SYNE2: variants seen among roughly 807,000 people sequenced by gnomAD.
SYNE2 encodes the protein spectrin repeat containing nuclear envelope protein 2, also known as nesprin-2.
A neutral mutation model predicts 856.3 loss-of-function variants in SYNE2; 431 were observed. The observed-to-expected ratio is 0.50, with a 90% CI of 0.47 to 0.55. SYNE2 has a LOEUF of 0.55. SYNE2 is among the 20% of genes least tolerant of loss of function. SYNE2 has a pLI of 0.00. For synonymous variants in SYNE2, 2,923 were observed against 2,872.3 expected, an observed-to-expected ratio of 1.02 and a Z score of -0.56; for missense variants, 8,129 against 8,023.2, an observed-to-expected ratio of 1.01 and a Z score of -0.50.
chr14:63,906,164 G>A (rs1408524348), intron 1 of SYNE2, among the ~76,000 whole-genome samples: 2 of 152,070 alleles, frequency 1.3e-5, no homozygotes, highest in Non-Finnish European at 2.9e-5. Flanking sequence ...CTAATTGATC[G>A]TGATGAATTA....
chr14:64,036,280 A>G (rs917449081), intron 45 of SYNE2, among the ~76,000 whole-genome samples: 2 of 150,652 alleles, frequency 1.3e-5, no homozygotes, highest in African/African-American at 4.9e-5. Flanking sequence ...AACCTGTTCT[A>G]TCGTTCTTTT....
chr14:64,071,240 A>G (rs2097404130), intron 52 of SYNE2, among the ~76,000 whole-genome samples: 1 of 152,150 alleles, frequency 6.6e-6, no homozygotes, highest in Non-Finnish European at 1.5e-5. Context: ...CACTCCTGTA[A>G]TCCCAGCACT....
intron 1 of SYNE2, among the ~76,000 whole-genome samples, chr14:63,825,487 C>T (rs1417936361): frequency 6.6e-6 from 1 of 152,054 alleles, no homozygotes; most frequent in Non-Finnish European, 1.5e-5. Flanking sequence ...TGGAAAATAT[C>T]ATTCACAACA....
intron 89 of SYNE2, among the ~76,000 whole-genome samples, chr14:64,164,505 T>C (rs1188197155): frequency 1.3e-5 from 2 of 152,174 alleles, no homozygotes; most frequent in Non-Finnish European, 2.9e-5. Flanking sequence ...CACCTTGGCC[T>C]CCCAAAGTGC....
chr14:64,002,269 G>A (rs2096761356), intron 29 of SYNE2, among the ~76,000 whole-genome samples, 188 bp downstream of exon 29: 1 of 151,826 alleles, frequency 6.6e-6, no homozygotes, highest in Admixed American at 6.6e-5. Flanking sequence ...ATTTGGAGGT[G>A]GGCACCGTGG....
intron 1 of SYNE2, among the ~76,000 whole-genome samples, chr14:63,898,236 T>G (rs892178219): frequency 9.2e-5 from 14 of 152,082 alleles, no homozygotes; most frequent in African/African-American, 3.4e-4. Context: ...CAAACCTCCC[T>G]CTCAGAGCCC....
chr14:64,143,697 G>T, intron 82 of SYNE2, 75 bp from the exon 83 acceptor site: 1 of 1,530,812 alleles, frequency 6.5e-7, no homozygotes, highest in South Asian at 1.1e-5. Context: ...GTGCCCCCTC[G>T]AGCACATAAA....
At chr14:64,224,368 A>G (rs1310986624) in intron 113 of SYNE2, 93 bp from the exon 114 acceptor site, 22 of 1,152,668 alleles carry the variant, frequency 1.9e-5, no homozygotes, top group Non-Finnish European at 2.8e-5. Flanking sequence ...AAAACAAAAA[A>G]AGATTGATTT....
At chr14:63,894,455 CAG>C (rs1566734712) in intron 1 of SYNE2, among the ~76,000 whole-genome samples, 5 of 152,078 alleles carry the variant, frequency 3.3e-5, no homozygotes, top group South Asian at 4.1e-4. Context: ...CTCCTGGCCT[CAG>C]GGGATCCTCC....
Position 63,986,544 on chromosome 14 carries a change from A to G in SYNE2, c.2240A>G (p.Glu747Gly). The change falls in exon 19 of 116, where the codon GAA (glutamate) becomes GGA (glycine). Residue 747 changes from glutamate (E) to glycine (G), a missense_variant. This residue lies in a region of SYNE2 where 2,422 missense variants were observed against 2,357.4 expected (regional missense o/e 1.03). Coordinates refer to ENST00000555002, the MANE Select transcript of SYNE2 (RefSeq NM_182914.3). ...KDVEKLIGQV[E>G]IWEAEAKSVL... ...GTTGAAAAACTCATTGGACAAGTGG[A>G]AATCTGGGAGGCAGAAGCCAAATCT... 6 of 1,614,206 alleles carry G rather than the reference A, an allele frequency of 3.7e-6. No homozygotes were observed. The highest frequency in any genetic ancestry group is 5.1e-6 in the Non-Finnish European group (6 of 1,180,024).
rs1328903966 is a variant in SYNE2 at position 63,995,145 on chromosome 14, TAAAG to T, written c.2887_2890del (p.Glu963ArgfsTer36). 4.4e-6 allele frequency: 7 copies of T among 1,604,986 alleles called. No individual in the cohort carries two copies. The highest frequency in any genetic ancestry group is 2.7e-5 in the African/African-American group (2 of 74,396). Reference sequence around the variant, plus strand: ...TTTTAAAACTTGAAAAGCAAATAAATAAAGAAAAGAAACTTATCCGTAGAGGAAG... The same window carrying T: ...TTTTAAAACTTGAAAAGCAAATAAATAAAAGAAACTTATCCGTAGAGGAAG... On this transcript the variant is annotated frameshift_variant, in exon 23 of 116. Transcript: ENST00000555002. LOFTEE classifies it high-confidence loss of function.
At chr14:63,960,666 A>G in intron 8 of SYNE2, 1 of 676,592 alleles carries the variant, frequency 1.5e-6, no homozygotes, top group Non-Finnish European at 2.8e-6. Context: ...CCTCCAAATT[A>G]GGTGTTCATT....
chr14:63,994,251 T>C (rs897461237), intron 22 of SYNE2, among the ~76,000 whole-genome samples: 1 of 152,192 alleles, frequency 6.6e-6, no homozygotes, highest in African/African-American at 2.4e-5. Flanking sequence ...CTGGGCAGAA[T>C]TGATGCAAGG....
chr14:64,130,061 G>C lies in SYNE2; in HGVS notation c.14153G>C (p.Ser4718Thr), dbSNP rs374716181. The C allele has an allele frequency of 1.0e-4, 168 of 1,613,886 alleles. 1 individual carries two copies. The South Asian group carries it at 1.7e-3, about 16-fold the overall frequency. ...TTCTCTTTTCAGGATGTACTTGACA[G>C]TATGTGGGGAATGCTAAGAGCCAGG... ...EVYKLEDVLD[S>T]MWGMLRARYT... Residue 4718 changes from serine (S) to threonine (T), a missense_variant, in exon 76 of 116, where the codon AGT (serine) becomes ACT (threonine). By Grantham distance (58) the Ser-to-Thr change is moderately conservative. Coordinates refer to ENST00000555002, the MANE Select transcript of SYNE2 (RefSeq NM_182914.3).
chr14:64,209,404 G>A (rs749276874), intron 101 of SYNE2, 24 bp from the exon 102 acceptor site: 1 of 1,614,234 alleles, frequency 6.2e-7, no homozygotes, highest in Non-Finnish European at 8.5e-7. Flanking sequence ...GATGGCTTGT[G>A]TTAAGTTGCT....
chr14:64,218,129 C>A (rs995342735), intron 108 of SYNE2: 5 of 417,312 alleles, frequency 1.2e-5, no homozygotes, highest in Middle Eastern at 7.4e-4. Flanking sequence ...TGGAAGCATG[C>A]CAATTGAAAC....
chr14:63,882,458 G>T (rs369890834), intron 1 of SYNE2, among the ~76,000 whole-genome samples: 3 of 152,146 alleles, frequency 2.0e-5, no homozygotes, highest in African/African-American at 7.2e-5. Context: ...GCTCACACCA[G>T]TAATCCCAGC....
At chr14:63,777,232 T>G (rs1022568637) in intron 1 of SYNE2, among the ~76,000 whole-genome samples, 8 of 152,262 alleles carry the variant, frequency 5.3e-5, no homozygotes, top group African/African-American at 1.9e-4. Context: ...GACAGAATAC[T>G]TTGTTAAAAC....
At chr14:64,199,649 C>T (rs2098553145) in intron 99 of SYNE2, among the ~76,000 whole-genome samples, 1 of 138,562 alleles carries the variant, frequency 7.2e-6, no homozygotes, top group Non-Finnish European at 1.5e-5. Flanking sequence ...ACCTGGGAGG[C>T]GGAGGTTGCA....
Sources: allele counts gnomAD v4.1 joint callset (sites outside exome capture counted in the v4.1 genomes callset), GRCh38; gene constraint gnomAD v4.1.1; regional missense constraint gnomAD v4.1.1; transcripts MANE v1.5; gene names NCBI Gene and HGNC (gene_info 2026-07-23, HGNC 2026-07-21).